The following TFCP2 variants were observed in gnomAD, a reference collection of about 807,000 sequenced individuals.
TFCP2 encodes alpha-globin transcription factor CP2.
In TFCP2, 33 loss-of-function variants were observed where a neutral mutation model predicts 73.4. That is an observed-to-expected ratio of 0.45 (90% CI 0.34 to 0.60). The LOEUF (loss-of-function observed/expected upper bound fraction) is 0.60. TFCP2 is among the 20% of genes least tolerant of loss of function. The pLI is 0.01. For synonymous variants in TFCP2, 193 were observed against 211.6 expected (o/e 0.91, Z 0.76); for missense variants, 352 against 604.0 (o/e 0.58, Z 4.37).
intron 1 of TFCP2, among the ~76,000 whole-genome samples, chr12:51,145,998 G>A (rs1941291596): frequency 6.6e-6 from 1 of 151,912 alleles, no homozygotes; most frequent in Admixed American, 6.6e-5. Context: ...GACACATAAA[G>A]AGAGGGAAAT....
intron 1 of TFCP2, among the ~76,000 whole-genome samples, chr12:51,136,602 T>C (rs1412353225): frequency 2.0e-5 from 3 of 151,928 alleles, no homozygotes; most frequent in Non-Finnish European, 4.4e-5. Flanking sequence ...CCCTCCAGTT[T>C]CAAAGCAGGA....
chr12:51,143,490 T>C (rs1941230532), intron 1 of TFCP2, among the ~76,000 whole-genome samples: 1 of 151,806 alleles, frequency 6.6e-6, no homozygotes, highest in African/African-American at 2.4e-5. Context: ...GATAGAAATT[T>C]AGAGGACAGG....
At chr12:51,126,232 C>CAAAAAAAAAAAA (rs371407608) in intron 1 of TFCP2, among the ~76,000 whole-genome samples, 1 of 87,748 alleles carries the variant, frequency 1.1e-5, no homozygotes, top group Non-Finnish European at 2.1e-5. Context: ...GACTCTGTCT[C>CAAAAAAAAAAAA]AAAAAAAAAA....
At chr12:51,130,274 C>G (rs1167347384) in intron 1 of TFCP2, among the ~76,000 whole-genome samples, 1 of 152,066 alleles carries the variant, frequency 6.6e-6, no homozygotes, top group Non-Finnish European at 1.5e-5. Flanking sequence ...GAGTTCAAGT[C>G]CAGCCTGGCC....
chr12:51,169,282 C>T (rs1440067378), intron 1 of TFCP2, among the ~76,000 whole-genome samples: 1 of 151,816 alleles, frequency 6.6e-6, no homozygotes, highest in African/African-American at 2.4e-5. Context: ...GGGTGGATCA[C>T]CTGAGGTCAG....
Position 51,118,705 on chromosome 12 carries a change from T to C in TFCP2, c.190A>G (p.Ile64Val). The change falls in exon 2 of 15, where the codon ATC becomes GTC. Residue 64 changes from isoleucine to valine, a missense_variant. Physicochemically the swap from Ile to Val is conservative, Grantham distance 29. Transcript: ENST00000257915. The stretch of plus-strand genomic sequence containing the variant: ...CAAAGCACATATTGAAAAGGCAGGA[T>C]TTTATTCTCATTATCAGGAGGCAAA... ...SSLPPDNENKILPFQYVLCAA... is the reference protein window; with the variant it reads ...SSLPPDNENKVLPFQYVLCAA... 20 of 1,614,150 alleles carry C rather than the reference T, an allele frequency of 1.2e-5. No individual in the cohort carries two copies. Among genetic ancestry groups the C allele is most frequent in the Non-Finnish European group, 1.7e-5 (20 of 1,180,042 alleles).
chr12:51,106,644 C>A, intron 7 of TFCP2, 31 bp from the exon 8 acceptor site: 1 of 1,569,612 alleles, frequency 6.4e-7, no homozygotes, highest in Non-Finnish European at 8.8e-7. Context: ...AGATAATGAA[C>A]GAGCACATAT....
chr12:51,172,852 G>C lies in TFCP2; in HGVS notation c.-430C>G. On this transcript the variant is annotated 5_prime_UTR_variant, in exon 1 of 15. Coordinates refer to ENST00000257915, the MANE Select transcript of TFCP2 (RefSeq NM_005653.5). ...TTTTCCCCCGCCCCTTTCTGCTGGA[G>C]GCCCCCTCCCTCCCAGGTCTCGCTC... is the stretch of plus-strand genomic sequence containing the variant. 5.8e-6 allele frequency: 1 copy of C among 173,066 alleles called. No individual in the cohort carries two copies. The highest frequency in any genetic ancestry group is 1.3e-5 in the Non-Finnish European group (1 of 79,090). The allele number at this position is 173,066 out of a possible 1,614,324, so 10.7% of individuals were successfully genotyped here. A position where few individuals can be genotyped will look rare whatever the true frequency, so the allele number is the denominator to read the frequency against.
intron 1 of TFCP2, among the ~76,000 whole-genome samples, chr12:51,127,975 A>C (rs1940850102): frequency 6.6e-6 from 1 of 150,606 alleles, no homozygotes; most frequent in Non-Finnish European, 1.5e-5. Context: ...GAGGGAGTGC[A>C]GTGGTGCGAT....
rs1939927130 is a variant in TFCP2 at position 51,095,280 on chromosome 12, T to TGTTAAAA, written c.1472-9_1472-3dup. The TGTTAAAA allele has an allele frequency of 6.2e-7, 1 of 1,613,506 alleles. No individual in the cohort carries two copies. The highest frequency in any genetic ancestry group is 1.7e-5 in the Admixed American group (1 of 59,928). On this transcript the variant is annotated splice_region_variant and splice_polypyrimidine_tract_variant and intron_variant, in intron 14 of 14. Transcript: ENST00000257915. ...TATGATAGCTATCATTGGTTTCTGC[T>TGTTAAAA]GTTAAAAAAAAGAGAGAGAGAGAAT...
intron 10 of TFCP2, 92 bp downstream of exon 10, chr12:51,103,578 T>C (rs1004403605): frequency 4.4e-6 from 4 of 904,362 alleles, no homozygotes; most frequent in Non-Finnish European, 7.0e-6. Flanking sequence ...CATACACATA[T>C]ACACACACAA....
intron 1 of TFCP2, among the ~76,000 whole-genome samples, chr12:51,150,584 A>T (rs1941400625): frequency 6.6e-6 from 1 of 152,194 alleles, no homozygotes; most frequent in Non-Finnish European, 1.5e-5. Context: ...AGTAAAGAAC[A>T]GTAACAACTG....
At position 51,095,235 on chromosome 12, in the gene TFCP2, G is replaced by A. The variant is rs765918219; in HGVS notation, c.*6C>T. The stretch of plus-strand genomic sequence containing the variant: ...GAGCAGCCACTGGGCACGAAACGCC[G>A]CACTCCTACTTCAGTATGATATGAT... On this transcript the variant is annotated 3_prime_UTR_variant, in exon 15 of 15. Transcript: ENST00000257915. 4.0e-5 allele frequency: 64 copies of A among 1,613,832 alleles called. 1 individual carries two copies. The highest frequency in any genetic ancestry group is 2.7e-4 in the South Asian group (25 of 91,074).
chr12:51,138,430 T>A (rs1941112407), intron 1 of TFCP2, among the ~76,000 whole-genome samples: 1 of 152,176 alleles, frequency 6.6e-6, no homozygotes, highest in Admixed American at 6.6e-5. Context: ...TTGTTGGGAT[T>A]ACAGGTGTGA....
At chr12:51,152,202 A>G (rs1373193442) in intron 1 of TFCP2, among the ~76,000 whole-genome samples, 1 of 152,224 alleles carries the variant, frequency 6.6e-6, no homozygotes, top group African/African-American at 2.4e-5. Flanking sequence ...ATACGCAGAG[A>G]ACTCAGCATC....
chr12:51,128,892 C>T (rs1179982808), intron 1 of TFCP2, among the ~76,000 whole-genome samples: 1 of 152,066 alleles, frequency 6.6e-6, no homozygotes, highest in Non-Finnish European at 1.5e-5. Context: ...CCCTGTATGA[C>T]ATAATCAACT....
intron 1 of TFCP2, among the ~76,000 whole-genome samples, chr12:51,143,852 G>A (rs1022947377): frequency 2.4e-4 from 37 of 152,068 alleles, no homozygotes; most frequent in Non-Finnish European, 5.0e-4. Flanking sequence ...AGCAACAAAA[G>A]TACAGATACA....
chr12:51,151,178 C>G (rs115575086), intron 1 of TFCP2, among the ~76,000 whole-genome samples: 1 of 152,120 alleles, frequency 6.6e-6, no homozygotes, highest in Non-Finnish European at 1.5e-5. Flanking sequence ...AGACCAGGTG[C>G]GGCTGCAGCA....
At chr12:51,122,268 T>G (rs1284849441) in intron 1 of TFCP2, among the ~76,000 whole-genome samples, 1 of 141,434 alleles carries the variant, frequency 7.1e-6, no homozygotes, top group African/African-American at 2.6e-5. Context: ...TTTTTTTTTT[T>G]TTTTTTTTGA....
Sources: allele counts gnomAD v4.1 joint callset (sites outside exome capture counted in the v4.1 genomes callset), GRCh38; gene constraint gnomAD v4.1.1; transcripts MANE v1.5; gene names NCBI Gene and HGNC (gene_info 2026-07-23, HGNC 2026-07-21).